Variants in NAV3 observed in about 807,000 individuals in gnomAD.
The protein encoded by NAV3 is pore membrane and/or filament interacting like protein 1.
NAV3 carries 87 observed loss-of-function variants against 244.7 expected under a neutral mutation model. The observed-to-expected ratio is 0.36, with a 90% CI of 0.30 to 0.42. The LOEUF is 0.42. Ranked by LOEUF, NAV3 falls within the 20% of genes least tolerant of loss-of-function variation. The pLI is 1.00. For synonymous variants in NAV3, 1,126 were observed against 1,042.2 expected, an observed-to-expected ratio of 1.08 and a Z score of -1.55; for missense variants, 2,663 against 2,893.3, an observed-to-expected ratio of 0.92 and a Z score of 1.83.
chr12:77,619,769 T>C (rs1006698583), intron 2 of NAV3, among the ~76,000 whole-genome samples: 2 of 151,664 alleles, frequency 1.3e-5, no homozygotes, highest in Non-Finnish European at 2.9e-5. Context: ...TGTCTCACGT[T>C]TTTTTTTTAA....
intron 2 of NAV3, among the ~76,000 whole-genome samples, chr12:77,691,193 T>G (rs1244761107): frequency 1.3e-5 from 2 of 150,654 alleles, no homozygotes; most frequent in Non-Finnish European, 3.0e-5. Context: ...TAAATATAAT[T>G]GAAACATTTT....
chr12:77,966,430 A>T, intron 4 of NAV3, 129 bp downstream of exon 4: 1 of 701,670 alleles, frequency 1.4e-6, no homozygotes, highest in East Asian at 2.7e-5. Flanking sequence ...TGAAGTCTTC[A>T]AGACAACCGA....
intron 12 of NAV3, chr12:78,088,795 T>A (rs986813424): frequency 6.6e-6 from 1 of 152,046 alleles, no homozygotes; most frequent in African/African-American, 2.4e-5. Context: ...AGCTGGAAAA[T>A]CACTGTGTGT....
At chr12:77,748,680 A>G (rs1168411029) in intron 2 of NAV3, among the ~76,000 whole-genome samples, 1 of 152,184 alleles carries the variant, frequency 6.6e-6, no homozygotes, top group Non-Finnish European at 1.5e-5. Context: ...TGTGGGGTCT[A>G]CAAGAGTCCA....
intron 33 of NAV3, 65 bp downstream of exon 33, chr12:78,188,842 GC>G: frequency 6.7e-7 from 1 of 1,481,608 alleles, no homozygotes; most frequent in South Asian, 1.3e-5. Flanking sequence ...TCTGCCCCCC[GC>G]CCCTTTTTGG....
chr12:78,117,984 A>T (rs1450430022), intron 13 of NAV3, 43 bp from the exon 14 acceptor site: 1 of 1,500,964 alleles, frequency 6.7e-7, no homozygotes, highest in East Asian at 2.3e-5. Flanking sequence ...ATACTTTATA[A>T]ATTTTTCTAC....
At chr12:77,724,607 A>AC (rs1876793320) in intron 2 of NAV3, among the ~76,000 whole-genome samples, 1 of 151,578 alleles carries the variant, frequency 6.6e-6, no homozygotes, top group African/African-American at 2.4e-5. Flanking sequence ...AATGCTTTGT[A>AC]CTAGTATTTT....
intron 2 of NAV3, chr12:77,783,198 T>G (rs1485124875): frequency 1.3e-5 from 2 of 152,166 alleles, no homozygotes; most frequent in African/African-American, 4.8e-5. Context: ...GTTTGATGTT[T>G]TGCTTATTAG....
At chr12:77,913,255 T>C (rs1259522965) in intron 1 of NAV3, among the ~76,000 whole-genome samples, 1 of 152,134 alleles carries the variant, frequency 6.6e-6, no homozygotes, top group East Asian at 1.9e-4. Context: ...GCCTAGTACA[T>C]GGTTAAATAT....
At chr12:78,019,097 A>C (rs1378719385) in intron 8 of NAV3, among the ~76,000 whole-genome samples, 4 of 152,144 alleles carry the variant, frequency 2.6e-5, no homozygotes, top group Non-Finnish European at 5.9e-5. Flanking sequence ...CTTTTGTAAT[A>C]ACAGTTGATT....
At chr12:77,624,780 C>T (rs1035637445) in intron 2 of NAV3, among the ~76,000 whole-genome samples, 5 of 152,332 alleles carry the variant, frequency 3.3e-5, no homozygotes, top group East Asian at 1.9e-4. Flanking sequence ...TTAACCTCTT[C>T]GAGCCCTTTC....
chr12:78,204,977 G>T lies in NAV3; in HGVS notation c.6877G>T (p.Val2293Leu). The change falls in exon 39 of 40, where the codon GTG becomes TTG. Residue 2293 changes from valine (V) to leucine (L), a missense_variant. This residue lies in a region of NAV3 where 543 missense variants were observed against 672.4 expected (regional missense o/e 0.81). Transcript: ENST00000397909. Reference sequence around the variant, plus strand: ...ACCATGGGAAGATCCTTCAAAGTGGGTGCTTGACACATATCCATGGAGCTC... The same window carrying T: ...ACCATGGGAAGATCCTTCAAAGTGGTTGCTTGACACATATCCATGGAGCTC... ...RTPWEDPSKWVLDTYPWSSAT... is the reference protein window; with the variant it reads ...RTPWEDPSKWLLDTYPWSSAT... The T allele has an allele frequency of 5.0e-6, 8 of 1,613,524 alleles. No individual in the cohort carries two copies. The highest frequency in any genetic ancestry group is 1.1e-5 in the South Asian group (1 of 91,062).
At chr12:77,916,336 G>A (rs951180982) in intron 1 of NAV3, among the ~76,000 whole-genome samples, 3 of 150,836 alleles carry the variant, frequency 2.0e-5, no homozygotes, top group South Asian at 2.1e-4. Context: ...TCCAGGGACC[G>A]TTTTGAAAGG....
chr12:78,064,438 C>T (rs558981762), intron 12 of NAV3, among the ~76,000 whole-genome samples: 35 of 149,910 alleles, frequency 2.3e-4, no homozygotes, highest in South Asian at 6.4e-4. Flanking sequence ...TGCCTGCCTG[C>T]CTGCCTGCCT....
At chr12:77,819,025 TC>T (rs1341007670) in intron 2 of NAV3, among the ~76,000 whole-genome samples, 1 of 143,164 alleles carries the variant, frequency 7.0e-6, no homozygotes, top group Non-Finnish European at 1.5e-5. Flanking sequence ...TGAACTTTAT[TC>T]CTTTTAATTT....
At chr12:77,957,327 T>A (rs1216560091) in intron 3 of NAV3, among the ~76,000 whole-genome samples, 2 of 152,226 alleles carry the variant, frequency 1.3e-5, no homozygotes, top group East Asian at 3.9e-4. Flanking sequence ...GCTGAATGAA[T>A]TAATCACTTA....
intron 39 of NAV3, among the ~76,000 whole-genome samples, chr12:78,205,876 T>A (rs1960247235): frequency 1.3e-5 from 2 of 152,130 alleles, no homozygotes; most frequent in Non-Finnish European, 2.9e-5. Flanking sequence ...AAAGAAAAGA[T>A]ACTGAAATAA....
chr12:77,769,056 A>G (rs1316684808), intron 2 of NAV3, among the ~76,000 whole-genome samples: 2 of 152,208 alleles, frequency 1.3e-5, no homozygotes, highest in African/African-American at 2.4e-5. Flanking sequence ...AAAATCAAGG[A>G]GGCAGGTATT....
intron 6 of NAV3, among the ~76,000 whole-genome samples, chr12:77,996,605 T>C (rs998831454): frequency 2.0e-5 from 3 of 152,224 alleles, no homozygotes; most frequent in African/African-American, 7.2e-5. Context: ...ACTGTTACTA[T>C]TATAAAAGCA....
Sources: allele counts gnomAD v4.1 joint callset (sites outside exome capture counted in the v4.1 genomes callset), GRCh38; gene constraint gnomAD v4.1.1; regional missense constraint gnomAD v4.1.1; transcripts MANE v1.5; gene names NCBI Gene and HGNC (gene_info 2026-07-23, HGNC 2026-07-21).